The following TGFBR1 variants were observed in gnomAD, a reference collection of about 807,000 sequenced individuals.
The protein encoded by TGFBR1 is TGF-beta receptor type-1.
A neutral mutation model predicts 55.1 loss-of-function variants in TGFBR1; 20 were observed. That is an observed-to-expected ratio of 0.36 (90% CI 0.26 to 0.53). The LOEUF (loss-of-function observed/expected upper bound fraction) is 0.53. TGFBR1 is among the 20% of genes least tolerant of loss of function. TGFBR1 has a pLI of 0.91. For synonymous variants in TGFBR1, 220 were observed against 214.8 expected (o/e 1.02, Z -0.21); for missense variants, 385 against 617.6 (o/e 0.62, Z 3.99).
intron 4 of TGFBR1, among the ~76,000 whole-genome samples, chr9:99,138,368 CAGTT>C (rs1224004100): frequency 2.6e-5 from 4 of 152,078 alleles, no homozygotes; most frequent in Non-Finnish European, 5.9e-5. Context: ...TAGTTTAGGG[CAGTT>C]AGTTATTGAG....
At chr9:99,122,627 C>G (rs1015026628) in intron 1 of TGFBR1, among the ~76,000 whole-genome samples, 2 of 152,120 alleles carry the variant, frequency 1.3e-5, no homozygotes, top group African/African-American at 2.4e-5. Flanking sequence ...TACTAACTGT[C>G]ACCATGCTAA....
Position 99,152,107 on chromosome 9 carries a change from T to TG in TGFBR1, c.*2803dup, listed in dbSNP as rs1422029318. 4.8e-6 allele frequency: 1 copy of TG among 206,756 alleles called. No homozygotes were observed. The highest frequency in any genetic ancestry group is 9.9e-6 in the Non-Finnish European group (1 of 101,244). The allele number at this position is 206,756 out of a possible 1,614,324, so 12.8% of individuals were successfully genotyped here. A position where few individuals can be genotyped will look rare whatever the true frequency, so the allele number is the denominator to read the frequency against. On this transcript the variant is annotated 3_prime_UTR_variant, in exon 9 of 9. Transcript: ENST00000374994. ...TGCTGGTCCCTGACGCAGAGACCGT[T>TG]GCCTCCCCCACAGCCGTTTGACTGA...
chr9:99,106,867 C>T (rs951197589), intron 1 of TGFBR1, among the ~76,000 whole-genome samples: 1 of 152,230 alleles, frequency 6.6e-6, no homozygotes, highest in Non-Finnish European at 1.5e-5. Flanking sequence ...TGAGTCCCTT[C>T]ACGTGGGCCT....
intron 6 of TGFBR1, chr9:99,145,742 C>G (rs1245089836): frequency 6.6e-6 from 1 of 152,548 alleles, no homozygotes; most frequent in Admixed American, 6.5e-5. Context: ...GACCCAAACC[C>G]CTTATCACAA....
rs199861787 is a variant in TGFBR1, at chr9:99,149,644, G to A, written c.*339G>A. 1.7e-5 allele frequency: 6 copies of A among 354,054 alleles called. No homozygotes were observed. Among genetic ancestry groups the A allele is most frequent in the East Asian group, 9.2e-5 (2 of 21,668 alleles). 21.9% of individuals were successfully genotyped at this position (354,054 alleles called of 1,614,324 possible). A position where few individuals can be genotyped will look rare whatever the true frequency, so the allele number is the denominator to read the frequency against. ...CTGGAGATCATCTTTAAGGGCAAAG[G>A]AGTTGGATTGCTGAATTACAATGAA... is the stretch of plus-strand genomic sequence containing the variant. On this transcript the variant is annotated 3_prime_UTR_variant, in exon 9 of 9. Transcript: ENST00000374994.
At chr9:99,143,033 T>C (rs1055689968) in intron 5 of TGFBR1, among the ~76,000 whole-genome samples, 6 of 151,930 alleles carry the variant, frequency 3.9e-5, no homozygotes, top group Non-Finnish European at 8.8e-5. Context: ...CACTCCCAGC[T>C]GAGTAATAGA....
intron 1 of TGFBR1, among the ~76,000 whole-genome samples, chr9:99,110,382 G>A (rs1357304779): frequency 6.6e-6 from 1 of 151,836 alleles, no homozygotes; most frequent in East Asian, 1.9e-4. Flanking sequence ...GGCTAATACG[G>A]CATCATTTAG....
intron 1 of TGFBR1, chr9:99,128,618 G>A (rs1354683468): frequency 3.1e-6 from 2 of 639,634 alleles, no homozygotes; most frequent in Non-Finnish European, 5.6e-6. Context: ...AAAACTTCAG[G>A]AAAAAACCTG....
At chr9:99,126,740 C>G in intron 1 of TGFBR1, among the ~76,000 whole-genome samples, 1 of 152,200 alleles carries the variant, frequency 6.6e-6, no homozygotes, top group East Asian at 1.9e-4. Context: ...CATACCCAGA[C>G]AGCCATCACC....
At chr9:99,139,982 A>G (rs1269734299) in intron 4 of TGFBR1, among the ~76,000 whole-genome samples, 1 of 152,236 alleles carries the variant, frequency 6.6e-6, no homozygotes, top group Admixed American at 6.5e-5. Flanking sequence ...TTTAGAAGCT[A>G]AACCTAATTG....
chr9:99,108,194 G>C (rs576106794), intron 1 of TGFBR1, among the ~76,000 whole-genome samples: 1 of 152,012 alleles, frequency 6.6e-6, no homozygotes, highest in Non-Finnish European at 1.5e-5. Flanking sequence ...TTGTAATTCC[G>C]TATAAATAAT....
chr9:99,132,628 C>A lies in TGFBR1; in HGVS notation c.463C>A (p.His155Asn), dbSNP rs751679796. 1.2e-6 allele frequency: 2 copies of A among 1,614,048 alleles called. No homozygotes were observed. The highest frequency in any genetic ancestry group is 2.7e-5 in the African/African-American group (2 of 74,920). The change falls in exon 3 of 9, where the codon CAC becomes AAC. Residue 155 changes from histidine to asparagine, a missense_variant. This residue lies in a region of TGFBR1 where 146 missense variants were observed against 167.7 expected (regional missense o/e 0.87). Transcript: ENST00000374994. ...VYICHNRTVI[H>N]HRVPNEEDPS... ...TATCTGCCACAACCGCACTGTCATT[C>A]ACCATCGAGTGCCAAATGAAGAGGA...
Position 99,142,646 on chromosome 9 carries a change from G to C in TGFBR1, c.916G>C (p.Ala306Pro), listed in dbSNP as rs768667498. 2.5e-6 allele frequency: 4 copies of C among 1,614,074 alleles called. No individual in the cohort carries two copies. The South Asian group carries it at 4.4e-5, about 18-fold the overall frequency. Residue 306 changes from alanine to proline, a missense_variant, in exon 5 of 9, where the codon GCT becomes CCT. By Grantham distance (27) the Ala-to-Pro change is conservative. Transcript: ENST00000374994. ...TVTVEGMIKL[A>P]LSTASGLAHL... ...TACTGTGGAAGGAATGATAAAACTT[G>C]CTCTGTCCACGGCGAGCGGTCTTGC...
chr9:99,123,873 TTATA>T (rs750856386), intron 1 of TGFBR1, among the ~76,000 whole-genome samples: 4 of 152,208 alleles, frequency 2.6e-5, no homozygotes, highest in Non-Finnish European at 4.4e-5. Flanking sequence ...TTCTGTGTGT[TTATA>T]TAATCATTTA....
At chr9:99,106,612 G>A (rs1292718164) in intron 1 of TGFBR1, among the ~76,000 whole-genome samples, 1 of 152,212 alleles carries the variant, frequency 6.6e-6, no homozygotes, top group Non-Finnish European at 1.5e-5. Flanking sequence ...GATGTGCAAA[G>A]TGGGGTACAG....
chr9:99,142,776 AGG>A, intron 5 of TGFBR1, 73 bp downstream of exon 5: 1 of 1,560,962 alleles, frequency 6.4e-7, no homozygotes, highest in Non-Finnish European at 8.8e-7. Flanking sequence ...TAGAAGGTGG[AGG>A]CTGGGCCTGG....
chr9:99,153,583 CTTATG>C lies in TGFBR1; in HGVS notation c.*4282_*4286del, dbSNP rs747830813. ...GTAAATAGGAAATAGAAGAGTGATG[CTTATG>C]TTAAGTCCTAACACTACAGTAGAAG... On this transcript the variant is annotated 3_prime_UTR_variant, in exon 9 of 9. Coordinates refer to ENST00000374994, the MANE Select transcript of TGFBR1 (RefSeq NM_004612.4). The C allele has an allele frequency of 5.2e-6, 1 of 193,782 alleles. No individual in the cohort carries two copies. Among genetic ancestry groups the C allele is most frequent in the African/African-American group, 2.3e-5 (1 of 43,186 alleles). The allele number at this position is 193,782 out of a possible 1,614,324, so 12.0% of individuals were successfully genotyped here. A position where few individuals can be genotyped will look rare whatever the true frequency, so the allele number is the denominator to read the frequency against.
In TGFBR1 at chr9:99,151,385, GGTTTTTTTTTT is replaced by G. The variant is rs1331135499; in HGVS notation, c.*2092_*2102del. 6 of 220,126 alleles carry G rather than the reference GGTTTTTTTTTT, an allele frequency of 2.7e-5. No individual in the cohort carries two copies. Among genetic ancestry groups the G allele is most frequent in the Non-Finnish European group, 5.3e-5 (6 of 114,110 alleles). The allele number at this position is 220,126 out of a possible 1,614,324, so 13.6% of individuals were successfully genotyped here. ...TGTGATCAGGTACTTTTTTTGTGGGGGTTTTTTTTTTGTTTTTTTTTTTTTGTTGTTGTTTT... is the reference window on the plus strand; with the variant it reads ...TGTGATCAGGTACTTTTTTTGTGGGGGTTTTTTTTTTTTTGTTGTTGTTTT... On this transcript the variant is annotated 3_prime_UTR_variant, in exon 9 of 9. Coordinates refer to ENST00000374994, the MANE Select transcript of TGFBR1 (RefSeq NM_004612.4).
intron 1 of TGFBR1, among the ~76,000 whole-genome samples, chr9:99,118,040 T>A (rs185365787): frequency 3.3e-5 from 5 of 152,336 alleles, no homozygotes; most frequent in Admixed American, 2.6e-4. Flanking sequence ...TAATATTTTT[T>A]AAGCTTTCTC....
Sources: allele counts gnomAD v4.1 joint callset (sites outside exome capture counted in the v4.1 genomes callset), GRCh38; gene constraint gnomAD v4.1.1; regional missense constraint gnomAD v4.1.1; transcripts MANE v1.5; gene names NCBI Gene and HGNC (gene_info 2026-07-23, HGNC 2026-07-21).